RRBP1: variants seen among roughly 807,000 people sequenced by gnomAD.
RRBP1 encodes ribosome-binding protein 1.
A neutral mutation model predicts 165.2 loss-of-function variants in RRBP1; 94 were observed. The ratio of observed to expected loss-of-function variants is 0.57; its 90% CI spans 0.48 to 0.68. The LOEUF is 0.68. Ranked by LOEUF, RRBP1 falls within the 30% of genes least tolerant of loss-of-function variation. The probability of loss-of-function intolerance (pLI) is 0.00; values close to 1 mark genes in which losing one functional copy is unlikely to be tolerated. For synonymous variants in RRBP1, 680 were observed against 714.5 expected, an observed-to-expected ratio of 0.95 and a Z score of 0.77; for missense variants, 1,676 against 1,763.0, an observed-to-expected ratio of 0.95 and a Z score of 0.88.
chr20:17,614,777 T>G lies in RRBP1; in HGVS notation c.4154A>C (p.Lys1385Thr), dbSNP rs755288490. 6.2e-7 allele frequency: 1 copy of G among 1,613,660 alleles called. No homozygotes were observed. Among genetic ancestry groups the G allele is most frequent in the Non-Finnish European group, 8.5e-7 (1 of 1,180,038 alleles). Reference protein sequence around the residue: ...KTTQEQLAREKDTVKKLQEQL... With the variant: ...KTTQEQLARETDTVKKLQEQL... ...TTCCTGCAGCTTCTTCACCGTGTCCTTCTCCCTTGCCAGCTGCTCCTGGGT... is the reference window on the plus strand; with the variant it reads ...TTCCTGCAGCTTCTTCACCGTGTCCGTCTCCCTTGCCAGCTGCTCCTGGGT... The change falls in exon 24 of 25, where the codon AAG becomes ACG. Residue 1385 changes from lysine (K) to threonine (T), a missense_variant. By Grantham distance (78) the Lys-to-Thr change is moderately conservative (BLOSUM62 -1). Coordinates refer to ENST00000377813, the MANE Select transcript of RRBP1 (RefSeq NM_001365613.2).
chr20:17,667,566 C>T (rs960101317), intron 2 of RRBP1, among the ~76,000 whole-genome samples: 3 of 152,170 alleles, frequency 2.0e-5, no homozygotes, highest in African/African-American at 4.8e-5. Context: ...AACATCCATA[C>T]GTGACTGAAT....
intron 2 of RRBP1, among the ~76,000 whole-genome samples, chr20:17,665,751 C>T (rs1295375402): frequency 1.3e-5 from 2 of 152,202 alleles, no homozygotes; most frequent in Non-Finnish European, 2.9e-5. Context: ...AAGCCAGCCA[C>T]CCAGGGTCGC....
rs531914704 is a variant in RRBP1 at position 17,629,637 on chromosome 20, C to G, written c.2749+186G>C. 2.0e-5 allele frequency among the ~76,000 whole-genome samples: 3 copies of G among 152,214 alleles called. No homozygotes were observed. The East Asian group carries it at 5.8e-4, about 29-fold the overall frequency. ...ACTGCGCCTATAGGCTGACTGCGCCCCCCGCCAGCCCCTGACTGGGCATAA... is the reference window on the plus strand; with the variant it reads ...ACTGCGCCTATAGGCTGACTGCGCCGCCCGCCAGCCCCTGACTGGGCATAA... On this transcript the variant is annotated intron_variant, in intron 9 of 24. Transcript: ENST00000377813.
chr20:17,663,981 C>G (rs111345527), intron 2 of RRBP1, among the ~76,000 whole-genome samples: 13 of 152,200 alleles, frequency 8.5e-5, no homozygotes, highest in Non-Finnish European at 2.9e-5. Context: ...CCCAACACCC[C>G]CAGTGGGTCT....
At chr20:17,669,658 C>T (rs550047252) in intron 2 of RRBP1, among the ~76,000 whole-genome samples, 130 of 152,296 alleles carry the variant, frequency 8.5e-4, no homozygotes, top group African/African-American at 2.9e-3. Context: ...AAATAATACA[C>T]ACCATGGAGT....
At chr20:17,678,980 C>G (rs981934317) in intron 2 of RRBP1, among the ~76,000 whole-genome samples, 2 of 152,196 alleles carry the variant, frequency 1.3e-5, no homozygotes, top group Admixed American at 1.3e-4. Flanking sequence ...TTGATCTTCA[C>G]GTTCTGTGTC....
At position 17,641,939 on chromosome 20, in the gene RRBP1, C is replaced by A. The variant is rs1287740323; in HGVS notation, c.2062-20G>T. On this transcript the variant is annotated intron_variant, in intron 4 of 24. Transcript: ENST00000377813. The stretch of plus-strand genomic sequence containing the variant: ...AGTGGCCTAGAAATACCCAGAGATG[C>A]GTTAACAGAGGGGACAAATGGGACT... 6.2e-7 allele frequency: 1 copy of A among 1,606,398 alleles called. No individual in the cohort carries two copies. Among genetic ancestry groups the A allele is most frequent in the African/African-American group, 1.3e-5 (1 of 74,798 alleles).
intron 20 of RRBP1, among the ~76,000 whole-genome samples, chr20:17,617,271 G>A (rs967700152): frequency 7.9e-5 from 12 of 152,236 alleles, no homozygotes; most frequent in Admixed American, 6.5e-5. Flanking sequence ...TGCCTAACAA[G>A]GTCCCCCACC....
chr20:17,658,638 G>A lies in RRBP1; in HGVS notation c.1870C>T (p.Pro624Ser). 6.2e-7 allele frequency: 1 copy of A among 1,609,988 alleles called. No homozygotes were observed. The highest frequency in any genetic ancestry group is 8.5e-7 in the Non-Finnish European group (1 of 1,178,348). Reference sequence around the variant, plus strand: ...TTTGAACCAGACTTCTTCTTGGCAGGAGCCTCTTGCTTTGGTGCCTCTGGG... The same window carrying A: ...TTTGAACCAGACTTCTTCTTGGCAGAAGCCTCTTGCTTTGGTGCCTCTGGG... ...QSPEAPKQEA[P>S]AKKKSGSKKK... Residue 624 changes from proline to serine, a missense_variant, in exon 3 of 25, where the codon CCT becomes TCT. By Grantham distance (74) the Pro-to-Ser change is moderately conservative (BLOSUM62 -1). This residue lies in a region of RRBP1 where 1,184 missense variants were observed against 1,167.1 expected (regional missense o/e 1.01). Coordinates refer to ENST00000377813, the MANE Select transcript of RRBP1 (RefSeq NM_001365613.2).
intron 12 of RRBP1, among the ~76,000 whole-genome samples, chr20:17,625,084 C>T (rs574453138): frequency 3.3e-5 from 5 of 152,270 alleles, no homozygotes; most frequent in Non-Finnish European, 4.4e-5. Context: ...CAGGGAGCAA[C>T]AGGGCCAGCC....
At chr20:17,614,248 G>A (rs1462191324) in intron 24 of RRBP1, 28 bp from the exon 25 acceptor site, 1 of 1,610,656 alleles carries the variant, frequency 6.2e-7, no homozygotes, top group Non-Finnish European at 8.5e-7. Context: ...TGGCGTGAGG[G>A]GGGCTGGGCC....
intron 2 of RRBP1, among the ~76,000 whole-genome samples, chr20:17,672,901 T>C (rs1213675170): frequency 1.3e-5 from 2 of 152,202 alleles, no homozygotes; most frequent in Non-Finnish European, 2.9e-5. Context: ...TGAGTCCATT[T>C]ACATCAAGTT....
intron 6 of RRBP1, among the ~76,000 whole-genome samples, chr20:17,636,085 C>T (rs1228212378): frequency 3.9e-5 from 6 of 152,264 alleles, no homozygotes; most frequent in East Asian, 1.9e-4. Flanking sequence ...GGGAGGAGGT[C>T]GCAGCCCACT....
intron 23 of RRBP1, 53 bp from the exon 24 acceptor site, chr20:17,614,933 C>G: frequency 6.3e-7 from 1 of 1,594,360 alleles, no homozygotes; most frequent in South Asian, 1.1e-5. Context: ...AGGAGGGCCA[C>G]CCCAGCTATG....
chr20:17,647,261 A>G (rs887739914), intron 3 of RRBP1, among the ~76,000 whole-genome samples: 6 of 152,404 alleles, frequency 3.9e-5, no homozygotes, highest in Admixed American at 1.3e-4. Context: ...ACACAGGGCC[A>G]TAAGGCAGAA....
At chr20:17,620,148 G>A (rs2035881851) in intron 18 of RRBP1, 151 bp downstream of exon 18, 1 of 685,798 alleles carries the variant, frequency 1.5e-6, no homozygotes, top group Non-Finnish European at 2.6e-6. Context: ...AGGAAAAACA[G>A]GATGGACAAG....
chr20:17,624,623 C>T lies in RRBP1; in HGVS notation c.3100G>A (p.Ala1034Thr), dbSNP rs1427718955. ...AGCTTCTCCTTGCAGGCCTGCTCGGCCGTGGCCAGTGCCTCCATGGCCTTC... is the reference window on the plus strand; with the variant it reads ...AGCTTCTCCTTGCAGGCCTGCTCGGTCGTGGCCAGTGCCTCCATGGCCTTC... ...NWKAMEALATAEQACKEKLLS... is the reference protein window; with the variant it reads ...NWKAMEALATTEQACKEKLLS... Residue 1034 changes from alanine (A) to threonine (T), a missense_variant, in exon 13 of 25, where the codon GCC becomes ACC. Ala to Thr is a moderately conservative substitution (Grantham distance 58). Around this residue, in one of 5 missense-constraint regions of RRBP1, gnomAD observed 1,184 missense variants for 1,167.1 expected, o/e 1.01. Coordinates refer to ENST00000377813, the MANE Select transcript of RRBP1 (RefSeq NM_001365613.2). 1.3e-6 allele frequency: 2 copies of T among 1,592,384 alleles called. No individual in the cohort carries two copies. The highest frequency in any genetic ancestry group is 1.8e-5 in the Admixed American group (1 of 56,390).
chr20:17,635,508 C>T (rs2036231311), intron 7 of RRBP1, 38 bp downstream of exon 7: 1 of 1,485,982 alleles, frequency 6.7e-7, no homozygotes, highest in East Asian at 2.3e-5. Flanking sequence ...CGCTCCAGGG[C>T]CCTTGGGGAG....
Position 17,616,030 on chromosome 20 carries a change from T to C in RRBP1, c.3868-21A>G, listed in dbSNP as rs940962778. On this transcript the variant is annotated intron_variant, in intron 21 of 24. Transcript: ENST00000377813. ...TTCAGCTGTGCAAACACCGCAAACATAACCCGGCAGCCCGGTGAGGAACCC... is the reference window on the plus strand; with the variant it reads ...TTCAGCTGTGCAAACACCGCAAACACAACCCGGCAGCCCGGTGAGGAACCC... The C allele has an allele frequency of 5.0e-6, 8 of 1,598,088 alleles. No homozygotes were observed. The Admixed American group carries it at 1.2e-4, about 23-fold the overall frequency.
Sources: allele counts gnomAD v4.1 joint callset (sites outside exome capture counted in the v4.1 genomes callset), GRCh38; gene constraint gnomAD v4.1.1; regional missense constraint gnomAD v4.1.1; transcripts MANE v1.5; gene names NCBI Gene and HGNC (gene_info 2026-07-23, HGNC 2026-07-21).